ATP6V0A1: variants seen among roughly 807,000 people sequenced by gnomAD.
ATP6V0A1 encodes the protein V-type proton ATPase 116 kDa subunit a 1.
Under a neutral mutation model 105.4 loss-of-function variants are expected in ATP6V0A1, and 43 were observed. The observed-to-expected ratio is 0.41, with a 90% confidence interval of 0.32 to 0.53. The LOEUF (loss-of-function observed/expected upper bound fraction) is 0.53. Ranked by LOEUF, ATP6V0A1 falls within the 20% of genes least tolerant of loss-of-function variation. The probability of loss-of-function intolerance (pLI) is 0.30; values close to 1 mark genes in which losing one functional copy is unlikely to be tolerated. For synonymous variants in ATP6V0A1, 362 were observed against 372.8 expected (o/e 0.97, Z 0.33); for missense variants, 676 against 1,051.1 (o/e 0.64, Z 4.93).
rs1335902549 is a variant in ATP6V0A1, at chr17:42,495,779, G to T, written c.1560+63G>T. 22 of 1,349,180 alleles carry T rather than the reference G, an allele frequency of 1.6e-5. No individual in the cohort carries two copies. The Admixed American group carries it at 2.4e-4, about 15-fold the overall frequency. The allele number at this position is 1,349,180 out of a possible 1,614,324, so 83.6% of individuals were successfully genotyped here. A position where few individuals can be genotyped will look rare whatever the true frequency, so the allele number is the denominator to read the frequency against. On this transcript the variant is annotated intron_variant, in intron 14 of 21. Coordinates refer to ENST00000343619, the MANE Select transcript of ATP6V0A1 (RefSeq NM_001130021.3). ...TTTTAACACTAACCCTGAAGCAAGA[G>T]AATTAAAATGAAGATAAATAGTTAT...
intron 21 of ATP6V0A1, among the ~76,000 whole-genome samples, chr17:42,517,036 C>T (rs1178730789): frequency 1.3e-5 from 2 of 152,160 alleles, no homozygotes; most frequent in Admixed American, 6.5e-5. Context: ...TCCCAGCATT[C>T]TGGGAGGCTG....
In ATP6V0A1 at chr17:42,490,493, A is replaced by T; in HGVS notation, c.1030A>T (p.Ser344Cys). 1 of 1,597,078 alleles carries T rather than the reference A, an allele frequency of 6.3e-7. No homozygotes were observed. Among genetic ancestry groups the T allele is most frequent in the Non-Finnish European group, 8.5e-7 (1 of 1,175,308 alleles). ...QFALRRGTEH[S>C]GSTVPSILNR... ...ATGTGCTAATGTTTTTCAGGAACACAGTGGTTCCACTGTACCTTCCATTTT... is the reference window on the plus strand; with the variant it reads ...ATGTGCTAATGTTTTTCAGGAACACTGTGGTTCCACTGTACCTTCCATTTT... The change falls in exon 11 of 22, where the codon AGT becomes TGT. Residue 344 changes from serine (S) to cysteine (C), a missense_variant. By Grantham distance (112) the Ser-to-Cys change is moderately radical. Around this residue, in one of 3 missense-constraint regions of ATP6V0A1, gnomAD observed 435 missense variants for 642.2 expected, o/e 0.68. Coordinates refer to ENST00000343619, the MANE Select transcript of ATP6V0A1 (RefSeq NM_001130021.3).
At chr17:42,490,683 TGTTTGGTTG>T (rs758136022) in intron 11 of ATP6V0A1, 46 bp downstream of exon 11, 5 of 1,552,676 alleles carry the variant, frequency 3.2e-6, no homozygotes, top group Non-Finnish European at 3.5e-6. Context: ...TTTTTTTGTT[TGTTTGGTTG>T]GTTTGGTTTG....
chr17:42,460,830 A>G lies in ATP6V0A1; in HGVS notation c.-47-18A>G. The G allele has an allele frequency of 7.4e-7, 1 of 1,350,916 alleles. No individual in the cohort carries two copies. The allele number at this position is 1,350,916 out of a possible 1,614,324, so 83.7% of individuals were successfully genotyped here. A position where few individuals can be genotyped will look rare whatever the true frequency, so the allele number is the denominator to read the frequency against. The stretch of plus-strand genomic sequence containing the variant: ...TCGTGGTAATTTCCAAAGTTATGTC[A>G]TTTTCTCTTTGCTTCAGGTTGGAGA... On this transcript the variant is annotated intron_variant, in intron 1 of 21. Coordinates refer to ENST00000343619, the MANE Select transcript of ATP6V0A1 (RefSeq NM_001130021.3).
Position 42,500,763 on chromosome 17 carries a change from T to C in ATP6V0A1, c.1736T>C (p.Met579Thr). 6.2e-7 allele frequency: 1 copy of C among 1,614,100 alleles called. No individual in the cohort carries two copies. The highest frequency in any genetic ancestry group is 2.2e-5 in the East Asian group (1 of 44,880). The change falls in exon 16 of 22, where the codon ATG becomes ACG. Residue 579 changes from methionine (M) to threonine (T), a missense_variant. This residue lies in a region of ATP6V0A1 where 435 missense variants were observed against 642.2 expected (regional missense o/e 0.68). Transcript: ENST00000343619. ...GGATTTATTCCTGAAATAATCTTCA[T>C]GACCTCTTTGTTTGGCTATTTGGTT... is the stretch of plus-strand genomic sequence containing the variant. ...YFGFIPEIIFMTSLFGYLVIL... is the reference protein window; with the variant it reads ...YFGFIPEIIFTTSLFGYLVIL...
intron 14 of ATP6V0A1, 42 bp from the exon 15 acceptor site, chr17:42,498,882 G>T: frequency 7.5e-7 from 1 of 1,335,912 alleles, no homozygotes; most frequent in African/African-American, 1.5e-5. Flanking sequence ...TTCCCTTTGA[G>T]AATTCTTTAT....
At chr17:42,484,046 GT>G (rs2089843030) in intron 9 of ATP6V0A1, among the ~76,000 whole-genome samples, 1 of 151,614 alleles carries the variant, frequency 6.6e-6, no homozygotes, top group Admixed American at 6.6e-5. Context: ...TTTGTTTTTT[GT>G]TTTTTGTTTT....
intron 20 of ATP6V0A1, 126 bp downstream of exon 20, chr17:42,514,104 A>G: frequency 1.5e-6 from 2 of 1,298,856 alleles, no homozygotes; most frequent in Non-Finnish European, 2.2e-6. Context: ...CCTGAACCCA[A>G]GGAGAATGAG....
At position 42,498,935 on chromosome 17, in the gene ATP6V0A1, T is replaced by G. The variant is rs761261290; in HGVS notation, c.1572T>G (p.Ile524Met). The change falls in exon 15 of 22, where the codon ATT becomes ATG. Residue 524 changes from isoleucine to methionine, a missense_variant. Ile to Met is a conservative substitution (Grantham distance 10). This residue lies in a region of ATP6V0A1 where 435 missense variants were observed against 642.2 expected (regional missense o/e 0.68). Transcript: ENST00000343619. ...TCGGGTTATGACAGATTTGGAACATTGCTACCAATAAACTGACGTTCTTGA... is the reference window on the plus strand; with the variant it reads ...TCGGGTTATGACAGATTTGGAACATGGCTACCAATAAACTGACGTTCTTGA... The part of the protein sequence containing the change: ...YPFGIDPIWN[I>M]ATNKLTFLNS... 1 of 1,609,130 alleles carries G rather than the reference T, an allele frequency of 6.2e-7. No homozygotes were observed. Among genetic ancestry groups the G allele is most frequent in the Non-Finnish European group, 8.5e-7 (1 of 1,175,578 alleles).
chr17:42,467,912 T>A, intron 3 of ATP6V0A1, 98 bp from the exon 4 acceptor site: 1 of 503,008 alleles, frequency 2.0e-6, no homozygotes, highest in Non-Finnish European at 3.2e-6. Flanking sequence ...GAATAAAACT[T>A]TTTGTAACCA....
chr17:42,511,704 C>T (rs1259346300), intron 19 of ATP6V0A1, among the ~76,000 whole-genome samples: 2 of 152,086 alleles, frequency 1.3e-5, no homozygotes, highest in African/African-American at 2.4e-5. Flanking sequence ...CGCGGGGGCT[C>T]ACGCCTGTAA....
In ATP6V0A1 at chr17:42,492,706, C is replaced by CA. The variant is rs56397012; in HGVS notation, c.1175-1608dup. On this transcript the variant is annotated intron_variant, in intron 11 of 21. Coordinates refer to ENST00000343619, the MANE Select transcript of ATP6V0A1 (RefSeq NM_001130021.3). ...GGGCAAAAAGAGTGAAACTCTGTCT[C>CA]AAAAAAAAAAAAAAAAAAAAGTTCA... 1.1e-3 allele frequency among the ~76,000 whole-genome samples: 101 copies of CA among 95,114 alleles called. 1 individual carries two copies. The Middle Eastern group carries it at 0.019, about 18-fold the overall frequency. 62.4% of individuals were successfully genotyped at this position (95,114 alleles called of 152,430 possible).
In ATP6V0A1 at chr17:42,490,645, A is replaced by G; in HGVS notation, c.1174+8A>G. 1 of 1,578,012 alleles carries G rather than the reference A, an allele frequency of 6.3e-7. No homozygotes were observed. The highest frequency in any genetic ancestry group is 1.4e-5 in the African/African-American group (1 of 72,432). On this transcript the variant is annotated splice_region_variant and intron_variant, in intron 11 of 21. Coordinates refer to ENST00000343619, the MANE Select transcript of ATP6V0A1 (RefSeq NM_001130021.3). The stretch of plus-strand genomic sequence containing the variant: ...ACCGAGAGATAAATCCAGGTAAAAA[A>G]AAGCTTGTTATCTTTTTCCTCTAGA...
intron 10 of ATP6V0A1, 40 bp downstream of exon 10, chr17:42,487,407 A>G (rs1412049797): frequency 6.3e-7 from 1 of 1,592,004 alleles, no homozygotes; most frequent in South Asian, 1.1e-5. Flanking sequence ...GTGGCCCGGA[A>G]GAGAGGTTCC....
intron 14 of ATP6V0A1, among the ~76,000 whole-genome samples, chr17:42,496,801 A>G (rs1272665671): frequency 6.6e-6 from 1 of 152,054 alleles, no homozygotes; most frequent in African/African-American, 2.4e-5. Flanking sequence ...GTGCCACTGC[A>G]CTCCAGCCTG....
intron 14 of ATP6V0A1, among the ~76,000 whole-genome samples, 190 bp from the exon 15 acceptor site, chr17:42,498,734 G>A (rs2091413760): frequency 6.6e-6 from 1 of 152,156 alleles, no homozygotes; most frequent in Admixed American, 6.5e-5. Flanking sequence ...GCTGAGGCAG[G>A]AGAATGGCGT....
chr17:42,483,183 AC>A, intron 9 of ATP6V0A1, 52 bp downstream of exon 9: 1 of 1,321,402 alleles, frequency 7.6e-7, no homozygotes, highest in Non-Finnish European at 1.0e-6. Context: ...GGAATACGAG[AC>A]CATTATCCTT....
chr17:42,495,579 TC>T, intron 13 of ATP6V0A1, 46 bp from the exon 14 acceptor site: 1 of 1,463,778 alleles, frequency 6.8e-7, no homozygotes, highest in African/African-American at 1.4e-5. Flanking sequence ...CCTTGTTGTT[TC>T]CCTCTCTTGT....
chr17:42,489,827 A>C (rs1467580162), intron 10 of ATP6V0A1, among the ~76,000 whole-genome samples: 1 of 152,136 alleles, frequency 6.6e-6, no homozygotes, highest in Non-Finnish European at 1.5e-5. Flanking sequence ...GAAGGGAATG[A>C]GACCTCCAAG....
Sources: gnomAD v4.1 joint callset for allele counts (sites outside exome capture counted in the v4.1 genomes callset) on GRCh38, gnomAD v4.1.1 for gene constraint, gnomAD v4.1.1 regional missense constraint, MANE v1.5 for transcripts, NCBI Gene and HGNC (gene_info 2026-07-23, HGNC 2026-07-21) for gene names.